PLG: variants seen among roughly 807,000 people sequenced by gnomAD.
PLG encodes plasminogen, also known as plasmin.
A neutral mutation model predicts 104.4 loss-of-function variants in PLG; 41 were observed. The ratio of observed to expected loss-of-function variants is 0.39; its 90% CI spans 0.31 to 0.51. The LOEUF (loss-of-function observed/expected upper bound fraction) is 0.51. PLG is among the 20% of genes least tolerant of loss of function. PLG has a pLI of 0.76. For missense variants in PLG, 891 were observed against 1,003.6 expected (o/e 0.89, Z 1.52); for synonymous variants, 337 against 357.1 (o/e 0.94, Z 0.63).
chr6:160,715,890 T>C (rs1462730207), intron 6 of PLG, among the ~76,000 whole-genome samples: 1 of 152,170 alleles, frequency 6.6e-6, no homozygotes, highest in Non-Finnish European at 1.5e-5. Context: ...TCCATCCTGG[T>C]AAGCATTTAC....
At chr6:160,716,817 A>T in intron 7 of PLG, 54 bp downstream of exon 7, 1 of 1,080,236 alleles carries the variant, frequency 9.3e-7, no homozygotes, top group East Asian at 2.4e-5. Context: ...TGTTCTTGAA[A>T]TCAAAAGAAA....
chr6:160,752,261 G>T lies in PLG; in HGVS notation c.2271+1G>T, dbSNP rs777722929. ...GGCCGGAGGCACTGACAGTTGCCAG[G>T]TAAGCAAAGATCAAGAGACCAAAGT... On this transcript the variant is annotated splice_donor_variant, in intron 18 of 18. Coordinates refer to ENST00000308192, the MANE Select transcript of PLG (RefSeq NM_000301.5). LOFTEE classifies it high-confidence loss of function. The surrounding 1 kb of genome is among the most constrained non-coding windows in gnomAD (Gnocchi z 4.7). 1.9e-6 allele frequency: 3 copies of T among 1,613,744 alleles called. No individual in the cohort carries two copies.
At position 160,739,336 on chromosome 6, in the gene PLG, T is replaced by G. The variant is rs868754593; in HGVS notation, c.2018+128T>G. ...TCTATCACATGAAAGGCTCAAGGGC[T>G]TTGGGGACAGCATCAATCTTCAACC... On this transcript the variant is annotated intron_variant, in intron 16 of 18. Coordinates refer to ENST00000308192, the MANE Select transcript of PLG (RefSeq NM_000301.5). The surrounding 1 kb of genome is among the most constrained non-coding windows in gnomAD (Gnocchi z 4.4). 69 of 1,222,862 alleles carry G rather than the reference T, an allele frequency of 5.6e-5. No homozygotes were observed. In the Middle Eastern group the frequency reaches 9.5e-4, roughly 17 times the overall value. The allele number at this position is 1,222,862 out of a possible 1,614,324, so 75.8% of individuals were successfully genotyped here.
In PLG at chr6:160,719,652, A is replaced by C. The variant is rs1361577335; in HGVS notation, c.1096+814A>C. Among the ~76,000 whole-genome samples, 1 of 152,126 alleles carries C rather than the reference A, an allele frequency of 6.6e-6. No individual in the cohort carries two copies. The highest frequency in any genetic ancestry group is 6.6e-5 in the Admixed American group (1 of 15,264). ...GTTTATCTCCACTACTCACTTAGTA[A>C]ATTAATTTTTAATGGTTTTAGTATT... On this transcript the variant is annotated intron_variant, in intron 9 of 18. Coordinates refer to ENST00000308192, the MANE Select transcript of PLG (RefSeq NM_000301.5). This position sits in a 1 kb window ranked among gnomAD's most constrained non-coding sequence, Gnocchi z 4.1.
intron 17 of PLG, among the ~76,000 whole-genome samples, chr6:160,749,769 G>A (rs918242079): frequency 2.3e-4 from 33 of 145,148 alleles, no homozygotes; most frequent in African/African-American, 8.0e-4. Context: ...CATCACCACC[G>A]CCACCACCTC....
chr6:160,722,688 G>T, intron 10 of PLG, 121 bp downstream of exon 10: 1 of 830,338 alleles, frequency 1.2e-6, no homozygotes, highest in Non-Finnish European at 2.0e-6. Flanking sequence ...CCCAGAATGT[G>T]TAGAAAAATG....
In PLG at chr6:160,741,156, A is replaced by C. The variant is rs1317752087; in HGVS notation, c.2019-155A>C. Reference sequence around the variant, plus strand: ...CCATAGACAACCACAGGCAAATGTGAGGGTGAAACTCTGTGTTCTACGTTG... The same window carrying C: ...CCATAGACAACCACAGGCAAATGTGCGGGTGAAACTCTGTGTTCTACGTTG... On this transcript the variant is annotated intron_variant, in intron 16 of 18. Coordinates refer to ENST00000308192, the MANE Select transcript of PLG (RefSeq NM_000301.5). The surrounding 1 kb of genome is among the most constrained non-coding windows in gnomAD (Gnocchi z 4.7). Among the ~76,000 whole-genome samples, 1 of 152,218 alleles carries C rather than the reference A, an allele frequency of 6.6e-6. No individual in the cohort carries two copies. The highest frequency in any genetic ancestry group is 1.9e-4 in the East Asian group (1 of 5,202).
At chr6:160,707,497 C>T (rs1187171254) in intron 2 of PLG, among the ~76,000 whole-genome samples, 1 of 152,074 alleles carries the variant, frequency 6.6e-6, no homozygotes, top group Non-Finnish European at 1.5e-5. Flanking sequence ...AAGGTAAGGG[C>T]AGATAAGATT....
chr6:160,706,305 A>G (rs1562370625), intron 1 of PLG, 102 bp from the exon 2 acceptor site: 3 of 1,498,496 alleles, frequency 2.0e-6, no homozygotes, highest in South Asian at 2.3e-5. Context: ...AGAAAGTTTT[A>G]TTTGGTTAAT....
In PLG at chr6:160,732,648, T is replaced by A. The variant is rs998625294; in HGVS notation, c.1587+755T>A. Among the ~76,000 whole-genome samples the A allele has an allele frequency of 6.6e-6, 1 of 152,212 alleles. No individual in the cohort carries two copies. The highest frequency in any genetic ancestry group is 1.5e-5 in the Non-Finnish European group (1 of 68,042). Reference sequence around the variant, plus strand: ...ACTGGACAAAAATCTGTTTTTCTACTTGATTACTTTGCTAGAGTGGCTCAC... The same window carrying A: ...ACTGGACAAAAATCTGTTTTTCTACATGATTACTTTGCTAGAGTGGCTCAC... On this transcript the variant is annotated intron_variant, in intron 12 of 18. Transcript: ENST00000308192. This position sits in a 1 kb window ranked among gnomAD's most constrained non-coding sequence, Gnocchi z 4.5.
At chr6:160,748,370 A>AAGAGAGAG (rs1346113408) in intron 17 of PLG, among the ~76,000 whole-genome samples, 3 of 41,396 alleles carry the variant, frequency 7.2e-5, no homozygotes, top group Non-Finnish European at 9.7e-5. Context: ...GAAAGAAAGA[A>AAGAGAGAG]AGAAAGAAAG....
rs199826280 is a variant in PLG, at chr6:160,726,585, A to AT, written c.1256+4021dup. Reference sequence around the variant, plus strand: ...GTCTATGAGGTTAAAACACCTTTAAATTTAAAAAAAAAAGATTTTATTTGC... The same window carrying AT: ...GTCTATGAGGTTAAAACACCTTTAAATTTTAAAAAAAAAAGATTTTATTTGC... On this transcript the variant is annotated intron_variant, in intron 10 of 18. Transcript: ENST00000308192. The surrounding 1 kb of genome is among the most constrained non-coding windows in gnomAD (Gnocchi z 4.4). Among the ~76,000 whole-genome samples the AT allele has an allele frequency of 5.4e-5, 7 of 129,144 alleles. No individual in the cohort carries two copies. Among genetic ancestry groups the AT allele is most frequent in the Non-Finnish European group, 8.6e-5 (5 of 58,156 alleles). The allele number at this position is 129,144 out of a possible 152,430, so 84.7% of individuals were successfully genotyped here. A position where few individuals can be genotyped will look rare whatever the true frequency, so the allele number is the denominator to read the frequency against.
At position 160,738,267 on chromosome 6, in the gene PLG, C is replaced by T. The variant is rs1381770222; in HGVS notation, c.1803-271C>T. 2.0e-5 allele frequency among the ~76,000 whole-genome samples: 3 copies of T among 152,102 alleles called. No individual in the cohort carries two copies. Among genetic ancestry groups the T allele is most frequent in the South Asian group, 2.1e-4 (1 of 4,820 alleles). ...AAAGCCGTGGCTGTAGAGCTTCATGCGGAGTTACTTAGCTTTGCTCTCCTG... is the reference window on the plus strand; with the variant it reads ...AAAGCCGTGGCTGTAGAGCTTCATGTGGAGTTACTTAGCTTTGCTCTCCTG... On this transcript the variant is annotated intron_variant, in intron 14 of 18. Transcript: ENST00000308192. This position sits in a 1 kb window ranked among gnomAD's most constrained non-coding sequence, Gnocchi z 6.8.
chr6:160,732,544 G>A lies in PLG; in HGVS notation c.1587+651G>A, dbSNP rs1168249066. On this transcript the variant is annotated intron_variant, in intron 12 of 18. Transcript: ENST00000308192. The surrounding 1 kb of genome is among the most constrained non-coding windows in gnomAD (Gnocchi z 4.5). ...CTGGAGACAGTGTCAGATCCCATAA[G>A]TTAAGGCTCAGTCCCACAAGACCGC... 6.6e-6 allele frequency among the ~76,000 whole-genome samples: 1 copy of A among 152,088 alleles called. No homozygotes were observed. The highest frequency in any genetic ancestry group is 1.5e-5 in the Non-Finnish European group (1 of 68,020).
intron 9 of PLG, 101 bp from the exon 10 acceptor site, chr6:160,722,307 C>CAT (rs1777843172): frequency 3.8e-6 from 3 of 783,148 alleles, no homozygotes; most frequent in Non-Finnish European, 6.8e-6. Flanking sequence ...AGAGAACAGT[C>CAT]ATAATTCTCA....
chr6:160,740,431 G>A lies in PLG; in HGVS notation c.2019-880G>A, dbSNP rs770931110. Among the ~76,000 whole-genome samples, 9 of 152,144 alleles carry A rather than the reference G, an allele frequency of 5.9e-5. No individual in the cohort carries two copies. The highest frequency in any genetic ancestry group is 1.3e-4 in the Admixed American group (2 of 15,282). On this transcript the variant is annotated intron_variant, in intron 16 of 18. Coordinates refer to ENST00000308192, the MANE Select transcript of PLG (RefSeq NM_000301.5). The surrounding 1 kb of genome is among the most constrained non-coding windows in gnomAD (Gnocchi z 5.2). ...TGGGTTTTGGAGGAGTTCTCTGATA[G>A]GCTGATACATTTCGAGTTTAGAGTT... is the stretch of plus-strand genomic sequence containing the variant.
intron 1 of PLG, among the ~76,000 whole-genome samples, chr6:160,703,399 C>T (rs1034721245): frequency 6.6e-6 from 1 of 152,112 alleles, no homozygotes; most frequent in East Asian, 1.9e-4. Flanking sequence ...ACTATTCATA[C>T]CCCCAAAAAC....
Position 160,718,693 on chromosome 6 carries a change from A to G in PLG, c.951A>G (p.Lys317=), listed in dbSNP as rs751210887. The change falls in exon 9 of 19, where the codon AAA becomes AAG. Residue 317 remains lysine (K), a splice_region_variant and synonymous_variant. Coordinates refer to ENST00000308192, the MANE Select transcript of PLG (RefSeq NM_000301.5). The part of the protein sequence containing the change: ...HNRTPENFPC[K]NLDENYCRNP... ...AAACTCACAATCACTTCTTTTTCAG[A>G]AATTTGGATGAAAACTACTGCCGCA... 1.9e-6 allele frequency: 3 copies of G among 1,613,908 alleles called. No individual in the cohort carries two copies. In the Admixed American group the frequency reaches 5.0e-5, roughly 27 times the overall value.
At chr6:160,728,049 G>A (rs1052256328) in intron 10 of PLG, among the ~76,000 whole-genome samples, 8 of 151,872 alleles carry the variant, frequency 5.3e-5, no homozygotes, top group Non-Finnish European at 7.4e-5. Flanking sequence ...CTTAATTAAC[G>A]GATGCAGAAA....
Sources: allele counts gnomAD v4.1 joint callset (sites outside exome capture counted in the v4.1 genomes callset), GRCh38; gene constraint gnomAD v4.1.1; non-coding constraint Gnocchi (gnomAD v3.1); transcripts MANE v1.5; gene names NCBI Gene and HGNC (gene_info 2026-07-23, HGNC 2026-07-21).